LAMA1: variants seen among roughly 807,000 people sequenced by gnomAD.
LAMA1 encodes laminin subunit alpha-1.
LAMA1 carries 219 observed loss-of-function variants against 348.7 expected under a neutral mutation model. The observed-to-expected ratio is 0.63, with a 90% CI of 0.56 to 0.70. LAMA1 has a LOEUF of 0.70. Ranked by LOEUF, LAMA1 falls within the 30% of genes least tolerant of loss-of-function variation. The pLI is 0.00. For synonymous variants in LAMA1, 1,487 were observed against 1,491.0 expected (o/e 1.00, Z 0.06); for missense variants, 3,744 against 3,888.0 (o/e 0.96, Z 0.99).
chr18:7,033,628 G>C (rs1033055648), intron 14 of LAMA1, among the ~76,000 whole-genome samples: 6 of 152,064 alleles, frequency 3.9e-5, no homozygotes, highest in Non-Finnish European at 8.8e-5. Flanking sequence ...GGAAAGGTCT[G>C]GTGTTGCCTA....
rs562098349 is a variant in LAMA1 at position 7,047,840 on chromosome 18, C to CA, written c.768+1237dup. Among the ~76,000 whole-genome samples, 14 of 151,416 alleles carry CA rather than the reference C, an allele frequency of 9.2e-5. No individual in the cohort carries two copies. In the South Asian group the frequency reaches 2.7e-3, roughly 29 times the overall value. ...ATACATATAGGAAAAAAAACAAAAG[C>CA]AAAAAAAACTCTGACTCCTCCCTCA... On this transcript the variant is annotated intron_variant, in intron 5 of 62. Transcript: ENST00000389658.
Position 7,086,473 on chromosome 18 carries a change from C to T in LAMA1, c.62-6016G>A, listed in dbSNP as rs542696619. ...GCCCTATTCATCCTTCCAGCCAAGT[C>T]CAGATCTTTCCTGAACCCCAGGCGA... On this transcript the variant is annotated intron_variant, in intron 1 of 62. Coordinates refer to ENST00000389658, the MANE Select transcript of LAMA1 (RefSeq NM_005559.4). Among the ~76,000 whole-genome samples the T allele has an allele frequency of 2.9e-4, 44 of 152,238 alleles. No homozygotes were observed. In the South Asian group the frequency reaches 6.6e-3, roughly 23 times the overall value.
chr18:7,025,442 C>T (rs911472754), intron 17 of LAMA1, among the ~76,000 whole-genome samples: 2 of 152,208 alleles, frequency 1.3e-5, no homozygotes, highest in East Asian at 1.9e-4. Context: ...GGCCTCACTA[C>T]AGTCACGACC....
At chr18:6,981,318 G>C (rs1252223418) in intron 41 of LAMA1, among the ~76,000 whole-genome samples, 1 of 152,040 alleles carries the variant, frequency 6.6e-6, no homozygotes, top group East Asian at 1.9e-4. Context: ...TCTCCTCTGG[G>C]TTGTAAAACC....
chr18:7,103,199 C>T (rs747788845), intron 1 of LAMA1, among the ~76,000 whole-genome samples: 16 of 151,670 alleles, frequency 1.1e-4, no homozygotes, highest in East Asian at 2.0e-4. Context: ...AGGCGGATCA[C>T]GAGGTCAGGA....
intron 34 of LAMA1, among the ~76,000 whole-genome samples, 193 bp downstream of exon 34, chr18:6,995,164 C>A (rs1471614037): frequency 3.3e-5 from 5 of 152,178 alleles, no homozygotes; most frequent in African/African-American, 7.2e-5. Flanking sequence ...AAGTCGGGAG[C>A]CTTTTCCCAC....
Position 6,941,864 on chromosome 18 carries a change from A to T in LAMA1, c.*215T>A. 5.2e-6 allele frequency: 3 copies of T among 578,002 alleles called. No homozygotes were observed. In the South Asian group the frequency reaches 6.1e-5, roughly 12 times the overall value. The allele number at this position is 578,002 out of a possible 1,614,324, so 35.8% of individuals were successfully genotyped here. A position where few individuals can be genotyped will look rare whatever the true frequency, so the allele number is the denominator to read the frequency against. Reference sequence around the variant, plus strand: ...AAAGATTTTTTTAAAAATACGTTTAAAAAGAGAGCCAGGGAATTCAATTTA... The same window carrying T: ...AAAGATTTTTTTAAAAATACGTTTATAAAGAGAGCCAGGGAATTCAATTTA... On this transcript the variant is annotated 3_prime_UTR_variant, in exon 63 of 63. Coordinates refer to ENST00000389658, the MANE Select transcript of LAMA1 (RefSeq NM_005559.4).
Position 6,969,522 on chromosome 18 carries a change from A to G in LAMA1, c.6899+2335T>C, listed in dbSNP as rs570424149. On this transcript the variant is annotated intron_variant, in intron 48 of 62. Transcript: ENST00000389658. ...TTTCCCAAACATTTATGATCAGTAC[A>G]CAATACCTATTAATACCCTACACCA... Among the ~76,000 whole-genome samples, 36 of 152,342 alleles carry G rather than the reference A, an allele frequency of 2.4e-4. No individual in the cohort carries two copies. In the South Asian group the frequency reaches 7.3e-3, roughly 31 times the overall value.
intron 3 of LAMA1, among the ~76,000 whole-genome samples, chr18:7,056,962 C>T (rs2058084636): frequency 6.6e-6 from 1 of 151,894 alleles, no homozygotes; most frequent in African/African-American, 2.4e-5. Context: ...ACCTCCGCCT[C>T]TTGGGTTCAA....
intron 1 of LAMA1, among the ~76,000 whole-genome samples, chr18:7,098,717 TGGGGGGGTC>T (rs2058275760): frequency 1.4e-5 from 2 of 138,112 alleles, no homozygotes; most frequent in African/African-American, 5.6e-5. Flanking sequence ...GGGAGGGAGG[TGGGGGGGTC>T]AGCCCCCCGC....
intron 19 of LAMA1, among the ~76,000 whole-genome samples, chr18:7,019,457 A>G (rs1340110874): frequency 6.6e-6 from 1 of 152,092 alleles, no homozygotes; most frequent in African/African-American, 2.4e-5. Flanking sequence ...TATTGATGAT[A>G]ATTTAAAAAA....
At chr18:7,031,203 G>A (rs1035094315) in intron 16 of LAMA1, among the ~76,000 whole-genome samples, 1 of 152,054 alleles carries the variant, frequency 6.6e-6, no homozygotes, top group Non-Finnish European at 1.5e-5. Context: ...ACATTTCCCT[G>A]CCAGGCGACC....
chr18:6,975,159 G>A (rs1010131343), intron 45 of LAMA1, 123 bp from the exon 46 acceptor site: 2 of 1,166,044 alleles, frequency 1.7e-6, no homozygotes, highest in African/African-American at 3.1e-5. Context: ...TACATAAAAA[G>A]CAAACCCCCC....
Position 6,943,402 on chromosome 18 carries a change from C to T in LAMA1, c.8845G>A (p.Val2949Ile). The T allele has an allele frequency of 3.1e-6, 5 of 1,613,836 alleles. No individual in the cohort carries two copies. The highest frequency in any genetic ancestry group is 4.2e-6 in the Non-Finnish European group (5 of 1,179,764). Residue 2949 changes from valine (V) to isoleucine (I), a missense_variant and splice_region_variant, in exon 62 of 63, where the codon GTC (valine) becomes ATC (isoleucine). Transcript: ENST00000389658. ...GCACCATTGTTGACATGGAACAAGA[C>T]CTAAAAGCAAATATCTTGGTGAGTT... Reference protein sequence around the residue: ...AIGLELVDGKVLFHVNNGAGR... With the variant: ...AIGLELVDGKILFHVNNGAGR...
Position 6,957,237 on chromosome 18 carries a change from G to A in LAMA1, c.7965-472C>T, listed in dbSNP as rs376387569. ...CTCCTGTGCTGTGTCCTGTGCCTGC[G>A]CACGTCCCCCTGGCACTTTCCCGGG... is the stretch of plus-strand genomic sequence containing the variant. On this transcript the variant is annotated intron_variant, in intron 55 of 62. Coordinates refer to ENST00000389658, the MANE Select transcript of LAMA1 (RefSeq NM_005559.4). 6 of 195,136 alleles carry A rather than the reference G, an allele frequency of 3.1e-5. 1 individual carries two copies. The highest frequency in any genetic ancestry group is 3.0e-4 in the South Asian group (3 of 10,068). 12.1% of individuals were successfully genotyped at this position (195,136 alleles called of 1,614,324 possible).
At chr18:7,093,244 G>A (rs923677447) in intron 1 of LAMA1, among the ~76,000 whole-genome samples, 5 of 152,188 alleles carry the variant, frequency 3.3e-5, no homozygotes, top group East Asian at 3.9e-4. Flanking sequence ...GTGAAACCCC[G>A]TCTCTACTAA....
intron 57 of LAMA1, among the ~76,000 whole-genome samples, chr18:6,953,016 A>G (rs12970526): frequency 0.018 from 1,303 of 72,696 alleles, 41 homozygotes; most frequent in East Asian, 0.039. Context: ...GCCTGTGTCC[A>G]GTGGATCCAC....
At chr18:6,990,617 T>C (rs1446191285) in intron 36 of LAMA1, among the ~76,000 whole-genome samples, 1 of 152,150 alleles carries the variant, frequency 6.6e-6, no homozygotes, top group East Asian at 1.9e-4. Flanking sequence ...CCACTACCCA[T>C]TGCCTCTCAA....
chr18:6,974,707 G>A (rs778030872), intron 46 of LAMA1, among the ~76,000 whole-genome samples, 196 bp downstream of exon 46: 4 of 151,840 alleles, frequency 2.6e-5, no homozygotes, highest in South Asian at 2.1e-4. Context: ...CTTGGCCTCC[G>A]AAAGTGCTGG....
Sources: allele counts gnomAD v4.1 joint callset (sites outside exome capture counted in the v4.1 genomes callset), GRCh38; gene constraint gnomAD v4.1.1; transcripts MANE v1.5; gene names NCBI Gene and HGNC (gene_info 2026-07-23, HGNC 2026-07-21).